The following CDC14B variants were observed in gnomAD, a reference collection of about 807,000 sequenced individuals.
CDC14B encodes the protein dual specificity protein phosphatase CDC14B.
CDC14B carries 22 observed loss-of-function variants against 64.2 expected under a neutral mutation model. The observed-to-expected ratio is 0.34, with a 90% CI of 0.24 to 0.49. The LOEUF is 0.49. CDC14B is among the 20% of genes least tolerant of loss of function. The pLI, the probability that CDC14B is intolerant of heterozygous loss-of-function variation, is 0.99. For synonymous variants in CDC14B, 191 were observed against 215.8 expected, an observed-to-expected ratio of 0.89 and a Z score of 1.01; for missense variants, 498 against 629.9, an observed-to-expected ratio of 0.79 and a Z score of 2.24.
In CDC14B at chr9:96,534,531, A is replaced by G. The variant is rs761718194; in HGVS notation, c.639T>C (p.Asn213=). The part of the protein sequence containing the change: ...DEYEHYEKAE[N]GDLNWIIPDR... ...CTGGTATTATCCAATTTAAATCTCC[A>G]TTTTCTGCTTTCTGCAAGGGGAAGA... is the stretch of plus-strand genomic sequence containing the variant. Residue 213 remains asparagine (N), a synonymous_variant, in exon 8 of 14, where the codon AAT becomes AAC. Coordinates refer to ENST00000375241, the MANE Select transcript of CDC14B (RefSeq NM_033331.4). 1.2e-6 allele frequency: 2 copies of G among 1,612,192 alleles called. No individual in the cohort carries two copies. The highest frequency in any genetic ancestry group is 1.1e-5 in the South Asian group (1 of 90,968).
chr9:96,605,201 G>A (rs985141261), intron 1 of CDC14B, among the ~76,000 whole-genome samples: 7 of 151,950 alleles, frequency 4.6e-5, no homozygotes, highest in African/African-American at 1.5e-4. Context: ...TAACAATAAC[G>A]TAATGGAATG....
chr9:96,614,991 C>T (rs1847533419), intron 1 of CDC14B, among the ~76,000 whole-genome samples: 1 of 152,100 alleles, frequency 6.6e-6, no homozygotes, highest in African/African-American at 2.4e-5. Flanking sequence ...TAGGCACGTG[C>T]CACCATGCCC....
intron 12 of CDC14B, among the ~76,000 whole-genome samples, chr9:96,519,805 A>C (rs1836397704): frequency 6.6e-6 from 1 of 152,092 alleles, no homozygotes; most frequent in African/African-American, 2.4e-5. Flanking sequence ...TTCTCCTAAG[A>C]ATCACTAGTA....
chr9:96,590,584 T>G (rs982960604), intron 1 of CDC14B, among the ~76,000 whole-genome samples: 1 of 152,128 alleles, frequency 6.6e-6, no homozygotes, highest in African/African-American at 2.4e-5. Context: ...TGCAGCATTT[T>G]ACATTCCCAC....
At chr9:96,599,119 C>T (rs1198032592) in intron 1 of CDC14B, among the ~76,000 whole-genome samples, 1 of 152,184 alleles carries the variant, frequency 6.6e-6, no homozygotes, top group East Asian at 1.9e-4. Flanking sequence ...GTGGCTCACA[C>T]CTGTAATCCC....
Position 96,619,360 on chromosome 9 carries a change from G to C in CDC14B, c.19C>G (p.Arg7Gly). The change falls in exon 1 of 14, where the codon CGG becomes GGG. Residue 7 changes from arginine to glycine, a missense_variant. Coordinates refer to ENST00000375241, the MANE Select transcript of CDC14B (RefSeq NM_033331.4). Reference protein sequence around the residue: MKRKSERRSSWAAAPPC... With the variant: MKRKSEGRSSWAAAPPC... ...GGCGCGGCGGCCCAGCTCGACCGCC[G>C]CTCGCTTTTCCGCTTCATGGAGGCG... 8.1e-7 allele frequency: 1 copy of C among 1,232,426 alleles called. No individual in the cohort carries two copies. The highest frequency in any genetic ancestry group is 1.0e-6 in the Non-Finnish European group (1 of 984,676). 76.3% of individuals were successfully genotyped at this position (1,232,426 alleles called of 1,614,324 possible). A position where few individuals can be genotyped will look rare whatever the true frequency, so the allele number is the denominator to read the frequency against.
chr9:96,588,495 CTTG>C (rs905651231), intron 1 of CDC14B, among the ~76,000 whole-genome samples: 6 of 152,104 alleles, frequency 3.9e-5, no homozygotes, highest in African/African-American at 7.2e-5. Context: ...TAGGGCTTTT[CTTG>C]TTGTTTTTGC....
chr9:96,518,961 CCT>C (rs1165000819), intron 12 of CDC14B, among the ~76,000 whole-genome samples: 1 of 151,814 alleles, frequency 6.6e-6, no homozygotes, highest in African/African-American at 2.4e-5. Flanking sequence ...ACAGTGAAAC[CCT>C]GTCTCTACTA....
Position 96,515,438 on chromosome 9 carries a change from T to G in CDC14B, c.1344-5649A>C, listed in dbSNP as rs1835499495. 6.6e-6 allele frequency among the ~76,000 whole-genome samples: 1 copy of G among 152,216 alleles called. No individual in the cohort carries two copies. Among genetic ancestry groups the G allele is most frequent in the Non-Finnish European group, 1.5e-5 (1 of 68,054 alleles). Reference sequence around the variant, plus strand: ...AAGCATAACTTTAAAACAACGTATGTTACTTTCAATATCCTTTCTATGAGA... The same window carrying G: ...AAGCATAACTTTAAAACAACGTATGGTACTTTCAATATCCTTTCTATGAGA... On this transcript the variant is annotated intron_variant, in intron 12 of 13. Transcript: ENST00000375241. The surrounding 1 kb of genome is among the most constrained non-coding windows in gnomAD (Gnocchi z 4.3).
At chr9:96,523,798 T>G (rs1040126329) in intron 9 of CDC14B, 73 bp from the exon 10 acceptor site, 1 of 1,513,026 alleles carries the variant, frequency 6.6e-7, no homozygotes, top group African/African-American at 1.5e-5. Context: ...CAGGCAGAAT[T>G]TTTTTAAAAG....
At chr9:96,562,555 G>T in intron 4 of CDC14B, 138 bp downstream of exon 4, 1 of 670,478 alleles carries the variant, frequency 1.5e-6, no homozygotes, top group Non-Finnish European at 2.7e-6. Flanking sequence ...CCTTGAATTG[G>T]TCAATTTTTT....
At chr9:96,542,137 A>G (rs1053750894) in intron 5 of CDC14B, among the ~76,000 whole-genome samples, 2 of 152,154 alleles carry the variant, frequency 1.3e-5, no homozygotes. Context: ...CTAAATTTCA[A>G]ATGTTCTCTC....
chr9:96,566,214 TAA>T (rs1344967501), intron 1 of CDC14B, among the ~76,000 whole-genome samples: 1 of 152,108 alleles, frequency 6.6e-6, no homozygotes, highest in African/African-American at 2.4e-5. Context: ...TCGGGTGAAA[TAA>T]AGTCATCCAC....
intron 4 of CDC14B, among the ~76,000 whole-genome samples, chr9:96,553,764 G>A (rs778009751): frequency 2.6e-5 from 4 of 151,944 alleles, no homozygotes; most frequent in South Asian, 2.1e-4. Context: ...TCCAGTCTCC[G>A]ATGCATGTAT....
intron 13 of CDC14B, among the ~76,000 whole-genome samples, chr9:96,505,195 A>G (rs1344515900): frequency 6.6e-6 from 1 of 151,832 alleles, no homozygotes; most frequent in African/African-American, 2.4e-5. Context: ...AAAAAAAAAA[A>G]AAAAAGATGC....
chr9:96,558,632 T>A (rs1227213063), intron 4 of CDC14B, among the ~76,000 whole-genome samples: 1 of 152,234 alleles, frequency 6.6e-6, no homozygotes, highest in African/African-American at 2.4e-5. Flanking sequence ...AAACAAAATT[T>A]CCAACTTTTC....
At chr9:96,556,691 T>C (rs1037229497) in intron 4 of CDC14B, among the ~76,000 whole-genome samples, 1 of 152,086 alleles carries the variant, frequency 6.6e-6, no homozygotes, top group Non-Finnish European at 1.5e-5. Context: ...ATAAAAATAG[T>C]GAATTGGCCC....
intron 1 of CDC14B, among the ~76,000 whole-genome samples, chr9:96,606,766 A>G (rs1426938269): frequency 6.6e-6 from 1 of 151,894 alleles, no homozygotes; most frequent in Non-Finnish European, 1.5e-5. Flanking sequence ...GGGTTTCTCC[A>G]TGTTGGTCAG....
intron 13 of CDC14B, among the ~76,000 whole-genome samples, chr9:96,494,755 C>CT (rs1462470936): frequency 5.3e-5 from 7 of 132,534 alleles, no homozygotes; most frequent in African/African-American, 2.0e-4. Context: ...TCTTCCTCCC[C>CT]TCCCCTCCCG....
Sources: allele counts gnomAD v4.1 joint callset (sites outside exome capture counted in the v4.1 genomes callset), GRCh38; gene constraint gnomAD v4.1.1; non-coding constraint Gnocchi (gnomAD v3.1); transcripts MANE v1.5; gene names NCBI Gene and HGNC (gene_info 2026-07-23, HGNC 2026-07-21).